The following SCFD2 variants were observed in gnomAD, a reference collection of about 807,000 sequenced individuals.
The protein encoded by SCFD2 is sec1 family domain-containing protein 2.
SCFD2 carries 54 observed loss-of-function variants against 58.9 expected under a neutral mutation model. The observed-to-expected ratio is 0.92, with a 90% CI of 0.74 to 1.15. The LOEUF (loss-of-function observed/expected upper bound fraction) is 1.15. SCFD2 is among the 50% of genes most tolerant of loss of function. The probability of loss-of-function intolerance (pLI) is 0.00; values close to 1 mark genes in which losing one functional copy is unlikely to be tolerated. For missense variants in SCFD2, 805 were observed against 836.6 expected, an observed-to-expected ratio of 0.96 and a Z score of 0.47; for synonymous variants, 321 against 335.9, an observed-to-expected ratio of 0.96 and a Z score of 0.49.
intron 4 of SCFD2, among the ~76,000 whole-genome samples, chr4:53,150,941 C>A: frequency 6.6e-6 from 1 of 152,318 alleles, no homozygotes; most frequent in Middle Eastern, 3.4e-3. Context: ...ATAATCATAG[C>A]TTTTGCTTTA....
chr4:52,982,115 G>A (rs1475099678), intron 5 of SCFD2, among the ~76,000 whole-genome samples: 2 of 152,210 alleles, frequency 1.3e-5, no homozygotes, highest in Non-Finnish European at 2.9e-5. Flanking sequence ...ATAAGAACAA[G>A]GAACCAAGAT....
At chr4:53,178,956 A>G (rs1295347409) in intron 4 of SCFD2, among the ~76,000 whole-genome samples, 1 of 152,218 alleles carries the variant, frequency 6.6e-6, no homozygotes, top group Admixed American at 6.5e-5. Context: ...GAGAAAAAAG[A>G]ATAAAAAGAA....
At chr4:52,954,660 A>G (rs1034763146) in intron 5 of SCFD2, among the ~76,000 whole-genome samples, 31 of 152,332 alleles carry the variant, frequency 2.0e-4, no homozygotes, top group Admixed American at 2.0e-3. Flanking sequence ...ATAAAGGGTG[A>G]GTCCAGAGAA....
At chr4:53,244,370 G>T (rs1729996899) in intron 4 of SCFD2, among the ~76,000 whole-genome samples, 2 of 151,952 alleles carry the variant, frequency 1.3e-5, no homozygotes, top group Admixed American at 6.6e-5. Flanking sequence ...AAATGCAAAA[G>T]AACTAAAATC....
At chr4:53,276,838 T>C (rs1731343004) in intron 3 of SCFD2, among the ~76,000 whole-genome samples, 1 of 152,240 alleles carries the variant, frequency 6.6e-6, no homozygotes, top group Non-Finnish European at 1.5e-5. Flanking sequence ...CTTGGTTTTG[T>C]CAGCTATTTT....
intron 5 of SCFD2, among the ~76,000 whole-genome samples, chr4:52,924,116 C>A (rs940988184): frequency 4.6e-5 from 7 of 152,076 alleles, no homozygotes; most frequent in African/African-American, 1.4e-4. Context: ...TAAAGTAATT[C>A]GTTTTCTATA....
intron 4 of SCFD2, among the ~76,000 whole-genome samples, chr4:53,219,481 G>A (rs964698288): frequency 6.6e-6 from 1 of 152,180 alleles, no homozygotes; most frequent in Non-Finnish European, 1.5e-5. Context: ...TAAGACCGTT[G>A]GAAAAGCACA....
chr4:52,942,737 A>C (rs1720324344), intron 5 of SCFD2, among the ~76,000 whole-genome samples: 1 of 152,144 alleles, frequency 6.6e-6, no homozygotes, highest in Non-Finnish European at 1.5e-5. Flanking sequence ...AGAAGTACAG[A>C]AGGGAGAGGG....
At chr4:53,196,579 C>T (rs1728064459) in intron 4 of SCFD2, among the ~76,000 whole-genome samples, 1 of 152,094 alleles carries the variant, frequency 6.6e-6, no homozygotes, top group Non-Finnish European at 1.5e-5. Context: ...GGTTTAAGCC[C>T]CTAGCCTCTG....
chr4:52,907,709 T>C (rs1427804845), intron 6 of SCFD2, 118 bp from the exon 7 acceptor site: 2 of 173,660 alleles, frequency 1.2e-5, no homozygotes, highest in Non-Finnish European at 2.1e-5. Context: ...AATGCCTATA[T>C]GTGTGTGTGT....
At chr4:52,998,183 GA>G (rs1160126135) in intron 5 of SCFD2, among the ~76,000 whole-genome samples, 1 of 152,036 alleles carries the variant, frequency 6.6e-6, no homozygotes, top group African/African-American at 2.4e-5. Flanking sequence ...CTGGGATAAT[GA>G]AAAAAACATG....
chr4:53,077,729 CG>C (rs1724024047), intron 5 of SCFD2, among the ~76,000 whole-genome samples: 1 of 152,110 alleles, frequency 6.6e-6, no homozygotes, highest in Non-Finnish European at 1.5e-5. Context: ...TGAGCCACGG[CG>C]GCTGGCCTCA....
chr4:53,254,437 TC>T (rs1730519768), intron 4 of SCFD2, among the ~76,000 whole-genome samples: 1 of 152,144 alleles, frequency 6.6e-6, no homozygotes. Flanking sequence ...GCCTGAGGCC[TC>T]CCCAGCAATG....
chr4:53,031,186 G>C (rs1031306547), intron 5 of SCFD2, among the ~76,000 whole-genome samples: 9 of 152,212 alleles, frequency 5.9e-5, no homozygotes, highest in African/African-American at 1.7e-4. Flanking sequence ...GGCAGCAGAA[G>C]GGCTTGTTAG....
At chr4:53,179,770 G>A (rs1242836360) in intron 4 of SCFD2, among the ~76,000 whole-genome samples, 2 of 152,144 alleles carry the variant, frequency 1.3e-5, no homozygotes, top group African/African-American at 2.4e-5. Context: ...CACGTGCAGA[G>A]ACACACATAG....
intron 5 of SCFD2, among the ~76,000 whole-genome samples, chr4:53,078,932 T>TTA (rs879664058): frequency 2.6e-5 from 4 of 152,212 alleles, no homozygotes; most frequent in Non-Finnish European, 4.4e-5. Flanking sequence ...CACAGAGTGA[T>TTA]CCTGGTAATT....
At chr4:53,264,037 C>T (rs1192920947) in intron 4 of SCFD2, among the ~76,000 whole-genome samples, 2 of 152,142 alleles carry the variant, frequency 1.3e-5, no homozygotes, top group Non-Finnish European at 2.9e-5. Flanking sequence ...GGGATTATAG[C>T]TGCCTCTGCT....
intron 5 of SCFD2, among the ~76,000 whole-genome samples, chr4:52,987,067 T>A (rs182042381): frequency 2.0e-5 from 3 of 152,292 alleles, no homozygotes; most frequent in Admixed American, 6.5e-5. Context: ...TCTCGCTCCG[T>A]CGCCCAGGCT....
At chr4:53,228,612 G>A (rs1360385582) in intron 4 of SCFD2, among the ~76,000 whole-genome samples, 1 of 152,044 alleles carries the variant, frequency 6.6e-6, no homozygotes, top group South Asian at 2.1e-4. Context: ...GTATTAATGG[G>A]ACGTATCTCA....
Sources: gnomAD v4.1 joint callset for allele counts (sites outside exome capture counted in the v4.1 genomes callset) on GRCh38, gnomAD v4.1.1 for gene constraint, MANE v1.5 for transcripts, NCBI Gene and HGNC (gene_info 2026-07-23, HGNC 2026-07-21) for gene names.